PARD3: variants seen among roughly 807,000 people sequenced by gnomAD.
PARD3 encodes partitioning defective 3 homolog.
In PARD3, 75 loss-of-function variants were observed where a neutral mutation model predicts 155.4. The ratio of observed to expected loss-of-function variants is 0.48; its 90% CI spans 0.40 to 0.58. The LOEUF (loss-of-function observed/expected upper bound fraction) is 0.58, where lower values mean the gene tolerates loss of function less well. Among genes scored for constraint, PARD3 ranks in the 20% least tolerant of loss-of-function variants. PARD3 has a pLI of 0.00. For missense variants in PARD3, 1,642 were observed against 1,721.7 expected (o/e 0.95, Z 0.82); for synonymous variants, 576 against 610.5 (o/e 0.94, Z 0.83).
intron 2 of PARD3, among the ~76,000 whole-genome samples, chr10:34,601,892 C>T (rs552505755): frequency 4.6e-5 from 7 of 151,942 alleles, no homozygotes; most frequent in African/African-American, 1.5e-4. Flanking sequence ...TCCCCAGAAG[C>T]GGGAAAAAAT....
At chr10:34,421,475 C>A (rs1846180463) in intron 5 of PARD3, among the ~76,000 whole-genome samples, 1 of 151,668 alleles carries the variant, frequency 6.6e-6, no homozygotes. Flanking sequence ...TAAAAATGAG[C>A]ATCCATGTTT....
intron 20 of PARD3, among the ~76,000 whole-genome samples, chr10:34,287,231 A>G (rs1480745685): frequency 6.6e-6 from 1 of 152,230 alleles, no homozygotes; most frequent in Non-Finnish European, 1.5e-5. Context: ...CCAGAAAAGT[A>G]TAAGTTCAAA....
intron 9 of PARD3, among the ~76,000 whole-genome samples, chr10:34,382,266 A>ATCT (rs1841941017): frequency 6.6e-6 from 1 of 152,210 alleles, no homozygotes; most frequent in Non-Finnish European, 1.5e-5. Context: ...AGTAACTGCT[A>ATCT]TCTTCTTCTC....
chr10:34,725,662 T>C (rs927695892), intron 1 of PARD3, among the ~76,000 whole-genome samples: 1 of 152,158 alleles, frequency 6.6e-6, no homozygotes, highest in African/African-American at 2.4e-5. Flanking sequence ...GAATACATGG[T>C]GGTTCTCAAT....
rs189508047 is a variant in PARD3, at chr10:34,123,841, A to G, written c.3541-4101T>C. 1.8e-3 allele frequency among the ~76,000 whole-genome samples: 276 copies of G among 152,332 alleles called. 2 individuals carry two copies. The highest frequency in any genetic ancestry group is 3.1e-3 in the South Asian group (15 of 4,832). On this transcript the variant is annotated intron_variant, in intron 23 of 24. Coordinates refer to ENST00000374788, the MANE Select transcript of PARD3 (RefSeq NM_001184785.2). ...ATACAAAACGAAATATTTAATAGACAGTTAACAGAGTAAAGAACAAACATG... is the reference window on the plus strand; with the variant it reads ...ATACAAAACGAAATATTTAATAGACGGTTAACAGAGTAAAGAACAAACATG...
At chr10:34,697,435 T>C (rs1302575552) in intron 1 of PARD3, among the ~76,000 whole-genome samples, 1 of 152,126 alleles carries the variant, frequency 6.6e-6, no homozygotes, top group Non-Finnish European at 1.5e-5. Context: ...AAAATACAGA[T>C]TCCTGGACCC....
chr10:34,674,081 C>T (rs144858597), intron 2 of PARD3, among the ~76,000 whole-genome samples: 171 of 151,750 alleles, frequency 1.1e-3, no homozygotes, highest in African/African-American at 3.9e-3. Flanking sequence ...TTAGCCAGAA[C>T]ATAGGTATGT....
intron 2 of PARD3, among the ~76,000 whole-genome samples, chr10:34,642,584 A>G (rs1235942570): frequency 6.6e-6 from 1 of 151,914 alleles, no homozygotes; most frequent in East Asian, 1.9e-4. Flanking sequence ...TGAATGCCAC[A>G]TGGCACCCCC....
intron 18 of PARD3, among the ~76,000 whole-genome samples, chr10:34,332,105 A>G (rs1328528013): frequency 2.6e-5 from 4 of 152,220 alleles, no homozygotes; most frequent in Non-Finnish European, 5.9e-5. Context: ...GACAGAAGAA[A>G]GACGACTTAG....
At chr10:34,741,739 T>C (rs955975491) in intron 1 of PARD3, among the ~76,000 whole-genome samples, 7 of 152,180 alleles carry the variant, frequency 4.6e-5, no homozygotes, top group African/African-American at 9.7e-5. Flanking sequence ...TTGTCCCTCA[T>C]TGTGTATGGA....
At chr10:34,249,732 A>G (rs1340081195) in intron 22 of PARD3, among the ~76,000 whole-genome samples, 1 of 152,122 alleles carries the variant, frequency 6.6e-6, no homozygotes, top group African/African-American at 2.4e-5. Flanking sequence ...GGCACAGTTT[A>G]AGAAGAAGAA....
chr10:34,425,798 G>A (rs1342032533), intron 5 of PARD3, among the ~76,000 whole-genome samples: 1 of 152,138 alleles, frequency 6.6e-6, no homozygotes, highest in Non-Finnish European at 1.5e-5. Context: ...TCTTACTTGT[G>A]CTTCAAAGCC....
chr10:34,127,115 C>A (rs535653813), intron 23 of PARD3, among the ~76,000 whole-genome samples: 1 of 152,236 alleles, frequency 6.6e-6, no homozygotes, highest in Non-Finnish European at 1.5e-5. Flanking sequence ...ATTCACTGTT[C>A]CCATTCAAAG....
chr10:34,589,554 A>T (rs1259424690), intron 2 of PARD3, among the ~76,000 whole-genome samples: 1 of 151,368 alleles, frequency 6.6e-6, no homozygotes, highest in Non-Finnish European at 1.5e-5. Context: ...GAGCTGTGAG[A>T]AAATAAATTT....
rs998042690 is a variant in PARD3 at position 34,384,053 on chromosome 10, T to G, written c.1016+76A>C. 3.5e-6 allele frequency: 5 copies of G among 1,435,674 alleles called. No homozygotes were observed. The South Asian group carries it at 3.7e-5, about 11-fold the overall frequency. 88.9% of individuals were successfully genotyped at this position (1,435,674 alleles called of 1,614,324 possible). A position where few individuals can be genotyped will look rare whatever the true frequency, so the allele number is the denominator to read the frequency against. On this transcript the variant is annotated intron_variant, in intron 8 of 24. Coordinates refer to ENST00000374788, the MANE Select transcript of PARD3 (RefSeq NM_001184785.2). ...ATACAGACTGAGATCACAGACATGT[T>G]TGAAGCATTTCAACTGACTGCACTC...
intron 2 of PARD3, among the ~76,000 whole-genome samples, chr10:34,576,664 T>G (rs1369946939): frequency 6.6e-6 from 1 of 152,188 alleles, no homozygotes; most frequent in Admixed American, 6.5e-5. Flanking sequence ...AGGAGATGAC[T>G]GTGTGAATTT....
chr10:34,318,339 T>A (rs1259466000), intron 19 of PARD3, among the ~76,000 whole-genome samples: 1 of 152,214 alleles, frequency 6.6e-6, no homozygotes, highest in African/African-American at 2.4e-5. Context: ...ATGAGAATTA[T>A]AGGGGGCCAT....
chr10:34,747,455 CT>C (rs1564574777), intron 1 of PARD3, among the ~76,000 whole-genome samples: 1 of 152,218 alleles, frequency 6.6e-6, no homozygotes, highest in Non-Finnish European at 1.5e-5. Context: ...TATTCTCCTA[CT>C]TTAAAAAAAG....
At chr10:34,422,790 A>C (rs550806182) in intron 5 of PARD3, among the ~76,000 whole-genome samples, 29 of 152,152 alleles carry the variant, frequency 1.9e-4, no homozygotes, top group Non-Finnish European at 3.8e-4. Context: ...ATAACGTACT[A>C]AAGAGGATGT....
Sources: allele counts gnomAD v4.1 joint callset (sites outside exome capture counted in the v4.1 genomes callset), GRCh38; gene constraint gnomAD v4.1.1; transcripts MANE v1.5; gene names NCBI Gene and HGNC (gene_info 2026-07-23, HGNC 2026-07-21).